Variants in TNFRSF10B observed in about 807,000 individuals in gnomAD.
TNFRSF10B encodes the protein TNF receptor superfamily member 10b.
A neutral mutation model predicts 41.4 loss-of-function variants in TNFRSF10B; 35 were observed. That is an observed-to-expected ratio of 0.85 (90% CI 0.65 to 1.12). The LOEUF (loss-of-function observed/expected upper bound fraction) is 1.12, where lower values mean the gene tolerates loss of function less well. Among genes scored for constraint, TNFRSF10B ranks in the 50% most tolerant of loss-of-function variants. The probability of loss-of-function intolerance (pLI) is 0.00; values close to 1 mark genes in which losing one functional copy is unlikely to be tolerated. For synonymous variants in TNFRSF10B, 230 were observed against 215.5 expected (o/e 1.07, Z -0.59); for missense variants, 584 against 552.7 (o/e 1.06, Z -0.57).
Position 23,027,237 on chromosome 8 carries a change from T to TA in TNFRSF10B, c.831dup (p.Ile278TyrfsTer9), listed in dbSNP as rs1489901997. On this transcript the variant is annotated frameshift_variant, in exon 7 of 9. Transcript: ENST00000276431. LOFTEE classifies it high-confidence loss of function. Reference sequence around the variant, plus strand: ...TCAGGGACCTGGGTGGGCTGCAAGATACTCACGATCTCATTGAGGACATTG... The same window carrying TA: ...TCAGGGACCTGGGTGGGCTGCAAGATAACTCACGATCTCATTGAGGACATTG... 6.2e-7 allele frequency: 1 copy of TA among 1,614,172 alleles called. No individual in the cohort carries two copies. Among genetic ancestry groups the TA allele is most frequent in the East Asian group, 2.2e-5 (1 of 44,886 alleles).
chr8:23,048,373 T>C (rs1392554595), intron 1 of TNFRSF10B, among the ~76,000 whole-genome samples: 2 of 149,424 alleles, frequency 1.3e-5, no homozygotes, highest in Admixed American at 6.7e-5. Flanking sequence ...GAGGCGGAGG[T>C]TGCAGTGAGC....
At chr8:23,034,147 G>A (rs1386260306) in intron 2 of TNFRSF10B, among the ~76,000 whole-genome samples, 1 of 152,220 alleles carries the variant, frequency 6.6e-6, no homozygotes, top group Non-Finnish European at 1.5e-5. Context: ...CAACAAGATG[G>A]AGGAGGAAAG....
intron 5 of TNFRSF10B, 133 bp from the exon 6 acceptor site, chr8:23,027,886 TGG>T (rs1811757813): frequency 1.9e-6 from 2 of 1,068,896 alleles, no homozygotes; most frequent in African/African-American, 3.2e-5. Flanking sequence ...GGGGACAGAA[TGG>T]GGCCTTACAA....
intron 1 of TNFRSF10B, among the ~76,000 whole-genome samples, chr8:23,059,268 G>A (rs1812755710): frequency 6.6e-6 from 1 of 151,978 alleles, no homozygotes; most frequent in African/African-American, 2.4e-5. Context: ...CCACTTTTTG[G>A]CTATTGTGAA....
At chr8:23,027,897 A>C (rs755108301) in intron 5 of TNFRSF10B, 144 bp from the exon 6 acceptor site, 4 of 902,908 alleles carry the variant, frequency 4.4e-6, no homozygotes, top group Non-Finnish European at 7.0e-6. Context: ...GGGGCCTTAC[A>C]ACTCAGAGAC....
chr8:23,061,598 C>G (rs1455482788), intron 1 of TNFRSF10B, among the ~76,000 whole-genome samples: 1 of 152,074 alleles, frequency 6.6e-6, no homozygotes, highest in Non-Finnish European at 1.5e-5. Flanking sequence ...GGGTAGATAT[C>G]CTTATGTTGT....
chr8:23,068,399 GAA>G lies in TNFRSF10B; in HGVS notation c.144+350_144+351del, dbSNP rs143327971. ...AGGGAGGGAAAGAAAGGAAGAAAGA[GAA>G]AAAGAGAAAGAAACAGAAAGTAAGG... On this transcript the variant is annotated intron_variant, in intron 1 of 8. Coordinates refer to ENST00000276431, the MANE Select transcript of TNFRSF10B (RefSeq NM_003842.5). 3 of 368,652 alleles carry G rather than the reference GAA, an allele frequency of 8.1e-6. No homozygotes were observed. The South Asian group carries it at 1.0e-4, about 13-fold the overall frequency. 22.8% of individuals were successfully genotyped at this position (368,652 alleles called of 1,614,324 possible). A position where few individuals can be genotyped will look rare whatever the true frequency, so the allele number is the denominator to read the frequency against.
chr8:23,068,604 C>T (rs1371474834), intron 1 of TNFRSF10B, 147 bp downstream of exon 1: 1 of 1,304,822 alleles, frequency 7.7e-7, no homozygotes, highest in Non-Finnish European at 1.0e-6. Flanking sequence ...TCTCTTCCCC[C>T]GACTCCGACG....
rs375688257 is a variant in TNFRSF10B, at chr8:23,022,932, C to T, written c.1062G>A (p.Trp354Ter). 9.9e-6 allele frequency: 16 copies of T among 1,613,822 alleles called. No individual in the cohort carries two copies. The highest frequency in any genetic ancestry group is 1.3e-5 in the Non-Finnish European group (15 of 1,180,014). The change falls in exon 9 of 9, where the codon TGG (tryptophan) becomes TGA (stop). Residue 354 changes from tryptophan to a stop codon, truncating the protein, a stop_gained. Transcript: ENST00000276431. LOFTEE classifies it low-confidence loss of function (END_TRUNC). ...DFADLVPFDS[W>*]EPLMRKLGLM... ...GGCCCAACTTCCTCATGAGCGGCTCCCAGGAGTCAAAGGGCACCAAGTCTG... is the reference window on the plus strand; with the variant it reads ...GGCCCAACTTCCTCATGAGCGGCTCTCAGGAGTCAAAGGGCACCAAGTCTG...
At chr8:23,046,393 G>A (rs1308197978) in intron 1 of TNFRSF10B, among the ~76,000 whole-genome samples, 2 of 151,996 alleles carry the variant, frequency 1.3e-5, no homozygotes, top group African/African-American at 2.4e-5. Context: ...AGACCTGTAT[G>A]TTAAAAACCG....
At position 23,021,700 on chromosome 8, in the gene TNFRSF10B, AC is replaced by A. The variant is rs1811527412; in HGVS notation, c.*970del. On this transcript the variant is annotated 3_prime_UTR_variant, in exon 9 of 9. Transcript: ENST00000276431. ...GGTCCCGACTCATATGTAAACAACT[AC>A]CTATAAATAATACTCATATACTTGT... 1 of 453,986 alleles carries A rather than the reference AC, an allele frequency of 2.2e-6. No individual in the cohort carries two copies. Among genetic ancestry groups the A allele is most frequent in the Non-Finnish European group, 4.4e-6 (1 of 226,798 alleles). 28.1% of individuals were successfully genotyped at this position (453,986 alleles called of 1,614,324 possible).
chr8:23,027,489 C>T (rs1326202074), intron 6 of TNFRSF10B: 2 of 792,388 alleles, frequency 2.5e-6, no homozygotes, highest in Admixed American at 2.3e-5. Flanking sequence ...ACACCCCATC[C>T]CTAGGGTGCA....
chr8:23,028,971 A>C (rs1263795281), intron 4 of TNFRSF10B, among the ~76,000 whole-genome samples: 1 of 152,194 alleles, frequency 6.6e-6, no homozygotes, highest in African/African-American at 2.4e-5. Context: ...AGTCAACCAC[A>C]AAAGTGAGCT....
intron 4 of TNFRSF10B, among the ~76,000 whole-genome samples, 185 bp downstream of exon 4, chr8:23,029,425 G>A (rs1811810877): frequency 6.6e-6 from 1 of 152,134 alleles, no homozygotes; most frequent in African/African-American, 2.4e-5. Flanking sequence ...GACTCGTGCT[G>A]GGGAGGGGTG....
At chr8:23,025,907 C>G (rs1341855872) in intron 7 of TNFRSF10B, among the ~76,000 whole-genome samples, 2 of 152,134 alleles carry the variant, frequency 1.3e-5, no homozygotes, top group African/African-American at 2.4e-5. Flanking sequence ...CAAACCTCGT[C>G]TCTACAAAAA....
intron 1 of TNFRSF10B, among the ~76,000 whole-genome samples, chr8:23,060,733 G>C (rs1159802409): frequency 6.6e-6 from 1 of 152,154 alleles, no homozygotes; most frequent in African/African-American, 2.4e-5. Flanking sequence ...TTTAGGAAAT[G>C]TTGACATAAT....
chr8:23,021,419 A>G lies in TNFRSF10B; in HGVS notation c.*1252T>C, dbSNP rs1244929725. 6 of 454,024 alleles carry G rather than the reference A, an allele frequency of 1.3e-5. No homozygotes were observed. In the East Asian group the frequency reaches 2.8e-4, roughly 21 times the overall value. The allele number at this position is 454,024 out of a possible 1,614,324, so 28.1% of individuals were successfully genotyped here. A position where few individuals can be genotyped will look rare whatever the true frequency, so the allele number is the denominator to read the frequency against. ...CTACTCCTGAGATGGCAACCATTTC[A>G]CACCATTCTCAAGCACCATCTACTC... On this transcript the variant is annotated 3_prime_UTR_variant, in exon 9 of 9. Transcript: ENST00000276431.
At chr8:23,052,977 T>C (rs1585223322) in intron 1 of TNFRSF10B, among the ~76,000 whole-genome samples, 1 of 152,302 alleles carries the variant, frequency 6.6e-6, no homozygotes, top group Non-Finnish European at 1.5e-5. Context: ...AATTAACTGG[T>C]TGTTTAAAGA....
At chr8:23,030,670 A>G (rs1811853829) in intron 3 of TNFRSF10B, 89 bp downstream of exon 3, 1 of 970,940 alleles carries the variant, frequency 1.0e-6, no homozygotes, top group Admixed American at 2.0e-5. Flanking sequence ...GTGGACCAGA[A>G]TCTAGGTCTC....
Sources: gnomAD v4.1 joint callset for allele counts (sites outside exome capture counted in the v4.1 genomes callset) on GRCh38, gnomAD v4.1.1 for gene constraint, MANE v1.5 for transcripts, NCBI Gene and HGNC (gene_info 2026-07-23, HGNC 2026-07-21) for gene names.